Variants in UBE2H observed in about 807,000 individuals in gnomAD.
UBE2H encodes ubiquitin-conjugating enzyme E2 H.
In UBE2H, 3 loss-of-function variants were observed where a neutral mutation model predicts 29.0. That is an observed-to-expected ratio of 0.10 (90% CI 0.05 to 0.27). The LOEUF is 0.27. Among genes scored for constraint, UBE2H ranks in the 10% least tolerant of loss-of-function variants. The probability of loss-of-function intolerance (pLI) is 1.00; values close to 1 mark genes in which losing one functional copy is unlikely to be tolerated. For missense variants in UBE2H, 68 were observed against 228.2 expected, an observed-to-expected ratio of 0.30 and a Z score of 4.52; for synonymous variants, 69 against 82.9, an observed-to-expected ratio of 0.83 and a Z score of 0.91.
intron 3 of UBE2H, among the ~76,000 whole-genome samples, chr7:129,870,871 C>T (rs1806016992): frequency 6.6e-6 from 1 of 152,114 alleles, no homozygotes; most frequent in African/African-American, 2.4e-5. Context: ...TGTCACACAC[C>T]TCACATTTTA....
At chr7:129,941,200 G>A (rs933509201) in intron 1 of UBE2H, among the ~76,000 whole-genome samples, 4 of 151,700 alleles carry the variant, frequency 2.6e-5, no homozygotes, top group African/African-American at 4.8e-5. Context: ...TTCAAGCAAC[G>A]CCCGGCTAAT....
chr7:129,867,725 A>AAAAAAAAAAAAAAAAAAAAAAAAAAC (rs1805940520), intron 3 of UBE2H, among the ~76,000 whole-genome samples: 4 of 45,252 alleles, frequency 8.8e-5, no homozygotes, highest in Admixed American at 4.5e-4. Context: ...AAAGAAAACC[A>AAAAAAAAAAAAAAAAAAAAAAAAAAC]AAAAAAAAAA....
intron 1 of UBE2H, among the ~76,000 whole-genome samples, chr7:129,935,326 T>G (rs1807504823): frequency 6.7e-6 from 1 of 148,736 alleles, no homozygotes; most frequent in Admixed American, 6.8e-5. Context: ...GGCAGGAGAA[T>G]CGCTTGAACC....
intron 3 of UBE2H, among the ~76,000 whole-genome samples, chr7:129,863,891 G>A (rs896762436): frequency 6.1e-5 from 9 of 147,798 alleles, no homozygotes; most frequent in African/African-American, 2.0e-4. Flanking sequence ...TGCAACCTCC[G>A]CCTCCTGGGT....
At chr7:129,917,160 C>T (rs1386661716) in intron 1 of UBE2H, among the ~76,000 whole-genome samples, 3 of 152,138 alleles carry the variant, frequency 2.0e-5, no homozygotes, top group African/African-American at 7.2e-5. Context: ...TGCCACTGCA[C>T]TCCGGCCTGG....
intron 1 of UBE2H, among the ~76,000 whole-genome samples, chr7:129,919,126 C>CAAAAAAAAAAAA (rs1807105018): frequency 7.4e-6 from 1 of 135,632 alleles, no homozygotes. Context: ...AAAAAAGCAC[C>CAAAAAAAAAAAA]AAAAAACAAG....
At chr7:129,914,797 G>A (rs1807011241) in intron 1 of UBE2H, among the ~76,000 whole-genome samples, 1 of 152,200 alleles carries the variant, frequency 6.6e-6, no homozygotes, top group African/African-American at 2.4e-5. Flanking sequence ...GAGTTATACA[G>A]ACTGAGCTTA....
intron 5 of UBE2H, among the ~76,000 whole-genome samples, chr7:129,853,638 C>A (rs903565283): frequency 6.6e-6 from 1 of 152,066 alleles, no homozygotes; most frequent in East Asian, 1.9e-4. Context: ...ACAATTATAC[C>A]AATTTTGAAC....
At chr7:129,889,594 ATTTTAC>A (rs921803976) in intron 1 of UBE2H, among the ~76,000 whole-genome samples, 4 of 152,168 alleles carry the variant, frequency 2.6e-5, no homozygotes, top group African/African-American at 7.2e-5. Flanking sequence ...TATACTATGT[ATTTTAC>A]TTTTATCTCC....
chr7:129,935,984 T>C (rs1164961028), intron 1 of UBE2H, among the ~76,000 whole-genome samples: 4 of 152,222 alleles, frequency 2.6e-5, no homozygotes, highest in African/African-American at 9.6e-5. Flanking sequence ...TGATTATTAA[T>C]TTCCACACTA....
chr7:129,881,063 C>A, intron 1 of UBE2H, 92 bp from the exon 2 acceptor site: 1 of 1,125,848 alleles, frequency 8.9e-7, no homozygotes, highest in East Asian at 2.6e-5. Context: ...TAAAGTGTTA[C>A]CAAAATTTGG....
At chr7:129,936,096 T>C (rs1457883665) in intron 1 of UBE2H, among the ~76,000 whole-genome samples, 1 of 152,226 alleles carries the variant, frequency 6.6e-6, no homozygotes, top group Non-Finnish European at 1.5e-5. Flanking sequence ...ATGACTCTAA[T>C]ACCTATTAAA....
At chr7:129,838,513 T>A (rs978747663) in intron 6 of UBE2H, among the ~76,000 whole-genome samples, 1 of 152,224 alleles carries the variant, frequency 6.6e-6, no homozygotes, top group South Asian at 2.1e-4. Flanking sequence ...GCAGCAGGTA[T>A]ATTTCACAAA....
At chr7:129,854,016 T>C (rs1355917905) in intron 5 of UBE2H, among the ~76,000 whole-genome samples, 1 of 152,064 alleles carries the variant, frequency 6.6e-6, no homozygotes, top group African/African-American at 2.4e-5. Context: ...AGTTGAATAT[T>C]TATGTTGACA....
chr7:129,950,474 G>C (rs1056409580), intron 1 of UBE2H, among the ~76,000 whole-genome samples: 5 of 151,734 alleles, frequency 3.3e-5, no homozygotes, highest in African/African-American at 1.2e-4. Context: ...TCCTAAATGC[G>C]GTAATCATTC....
intron 1 of UBE2H, among the ~76,000 whole-genome samples, chr7:129,915,796 C>T (rs1415592321): frequency 1.3e-5 from 2 of 152,316 alleles, no homozygotes; most frequent in East Asian, 3.9e-4. Flanking sequence ...AGAACTCCTA[C>T]CATCCCCAGC....
chr7:129,936,661 G>A (rs1563052189), intron 1 of UBE2H, among the ~76,000 whole-genome samples: 1 of 150,950 alleles, frequency 6.6e-6, no homozygotes. Context: ...TGTCCATTAA[G>A]ATAATCCAGT....
intron 3 of UBE2H, among the ~76,000 whole-genome samples, chr7:129,867,297 C>G (rs1037753084): frequency 6.6e-6 from 1 of 150,928 alleles, no homozygotes; most frequent in Non-Finnish European, 1.5e-5. Flanking sequence ...TTGGAACCAA[C>G]CCAAATGTCC....
intron 1 of UBE2H, among the ~76,000 whole-genome samples, chr7:129,889,779 T>TC (rs1397030778): frequency 1.3e-5 from 2 of 151,746 alleles, no homozygotes; most frequent in Non-Finnish European, 2.9e-5. Context: ...AGGCCAGGAG[T>TC]CCGAGACCAG....
Sources: allele counts gnomAD v4.1 joint callset (sites outside exome capture counted in the v4.1 genomes callset), GRCh38; gene constraint gnomAD v4.1.1; transcripts MANE v1.5; gene names NCBI Gene and HGNC (gene_info 2026-07-23, HGNC 2026-07-21).